The following USP25 variants were observed in gnomAD, a reference collection of about 807,000 sequenced individuals.
USP25 encodes ubiquitin specific peptidase 25.
A neutral mutation model predicts 158.5 loss-of-function variants in USP25; 85 were observed. The ratio of observed to expected loss-of-function variants is 0.54; its 90% CI spans 0.45 to 0.64. USP25 has a LOEUF of 0.64. Among genes scored for constraint, USP25 ranks in the 30% least tolerant of loss-of-function variants. The pLI, the probability that USP25 is intolerant of heterozygous loss-of-function variation, is 0.00. For synonymous variants in USP25, 464 were observed against 460.4 expected (o/e 1.01, Z -0.10); for missense variants, 1,242 against 1,327.3 (o/e 0.94, Z 1.00).
rs750610065 is a variant in USP25, at chr21:15,878,452, C to G, written c.3355C>G (p.Arg1119Gly). Residue 1119 changes from arginine to glycine, a missense_variant, in exon 26 of 26, where the codon CGA (arginine) becomes GGA (glycine). Transcript: ENST00000400183. ...RFARIMLSLS[R>G]TPADGR ...TGCCCGAATCATGTTGTCCCTCAGT[C>G]GAACTCCTGCTGATGGAAGATAAAC... 6.2e-7 allele frequency: 1 copy of G among 1,613,914 alleles called. No individual in the cohort carries two copies. The highest frequency in any genetic ancestry group is 2.2e-5 in the East Asian group (1 of 44,872).
At chr21:15,763,266 G>A (rs898618912) in intron 2 of USP25, among the ~76,000 whole-genome samples, 2 of 152,048 alleles carry the variant, frequency 1.3e-5, no homozygotes, top group Non-Finnish European at 1.5e-5. Flanking sequence ...TTTTACTTAC[G>A]AGCTGTGATT....
chr21:15,781,040 C>T (rs1203332048), intron 4 of USP25, among the ~76,000 whole-genome samples: 1 of 152,174 alleles, frequency 6.6e-6, no homozygotes, highest in East Asian at 1.9e-4. Context: ...TCCTGGGCTA[C>T]AAGGTTGTGG....
In USP25 at chr21:15,791,559, A is replaced by T; in HGVS notation, c.450A>T (p.Glu150Asp). ...NKACLKRTPT[E>D]VWRDSRNPYD... Reference sequence around the variant, plus strand: ...CATGTTTGAAGAGGACACCTACAGAAGTTTGGAGGGATTCTCGAAACCCTT... The same window carrying T: ...CATGTTTGAAGAGGACACCTACAGATGTTTGGAGGGATTCTCGAAACCCTT... The change falls in exon 5 of 26, where the codon GAA becomes GAT. Residue 150 changes from glutamate (E) to aspartate (D), a missense_variant. Glu to Asp is a conservative substitution (Grantham distance 45, BLOSUM62 2). Around this residue, in one of 3 missense-constraint regions of USP25, gnomAD observed 627 missense variants for 701.4 expected, o/e 0.89. Transcript: ENST00000400183. The T allele has an allele frequency of 6.2e-7, 1 of 1,611,788 alleles. No homozygotes were observed. Among genetic ancestry groups the T allele is most frequent in the East Asian group, 2.2e-5 (1 of 44,776 alleles).
intron 9 of USP25, among the ~76,000 whole-genome samples, chr21:15,814,314 G>A (rs577753752): frequency 6.6e-6 from 1 of 151,706 alleles, no homozygotes; most frequent in Non-Finnish European, 1.5e-5. Flanking sequence ...GTCTTTATTA[G>A]CAGCTTGAGA....
intron 10 of USP25, among the ~76,000 whole-genome samples, chr21:15,819,283 CA>C (rs1332443101): frequency 1.3e-5 from 2 of 152,154 alleles, no homozygotes; most frequent in Non-Finnish European, 2.9e-5. Flanking sequence ...TGCATAAGGT[CA>C]GATGGAAGAA....
chr21:15,734,308 A>G (rs950475588), intron 1 of USP25, among the ~76,000 whole-genome samples: 1 of 152,214 alleles, frequency 6.6e-6, no homozygotes, highest in African/African-American at 2.4e-5. Flanking sequence ...GTATTTTCCA[A>G]TTTAGGATTA....
intron 4 of USP25, among the ~76,000 whole-genome samples, chr21:15,788,498 A>G (rs1389829446): frequency 6.6e-6 from 1 of 152,128 alleles, no homozygotes; most frequent in Admixed American, 6.6e-5. Flanking sequence ...CTAGAGGTAA[A>G]GCAAATTCTT....
intron 1 of USP25, among the ~76,000 whole-genome samples, chr21:15,753,982 T>G (rs1444197154): frequency 2.6e-5 from 4 of 152,164 alleles, no homozygotes; most frequent in Non-Finnish European, 5.9e-5. Flanking sequence ...AAAGGGTGTC[T>G]TGTGTAGATA....
chr21:15,772,000 A>C (rs887077579), intron 3 of USP25, among the ~76,000 whole-genome samples: 1 of 151,658 alleles, frequency 6.6e-6, no homozygotes, highest in South Asian at 2.1e-4. Context: ...AAATATTTAC[A>C]TATATAATAG....
At chr21:15,776,078 T>A (rs1475927545) in intron 3 of USP25, among the ~76,000 whole-genome samples, 3 of 152,130 alleles carry the variant, frequency 2.0e-5, no homozygotes, top group Non-Finnish European at 4.4e-5. Flanking sequence ...TTATGAGGCA[T>A]TCCATACCTT....
chr21:15,794,229 T>C (rs1433189452), intron 5 of USP25, among the ~76,000 whole-genome samples: 1 of 151,682 alleles, frequency 6.6e-6, no homozygotes, highest in Non-Finnish European at 1.5e-5. Flanking sequence ...TATAGATAGC[T>C]TTGCATACTT....
chr21:15,860,136 C>T (rs1601157834), intron 20 of USP25, among the ~76,000 whole-genome samples: 1 of 151,516 alleles, frequency 6.6e-6, no homozygotes, highest in African/African-American at 2.4e-5. Flanking sequence ...TACAGGCTCC[C>T]GCCACCATAC....
At chr21:15,831,688 TG>T in intron 16 of USP25, 59 bp downstream of exon 16, 1 of 1,386,120 alleles carries the variant, frequency 7.2e-7, no homozygotes, top group South Asian at 1.2e-5. Context: ...CTCTGGTATG[TG>T]GTGTGATTAG....
chr21:15,754,214 G>A (rs2033226473), intron 1 of USP25, among the ~76,000 whole-genome samples: 1 of 152,156 alleles, frequency 6.6e-6, no homozygotes, highest in Admixed American at 6.5e-5. Flanking sequence ...TTTGGAGGTG[G>A]TGTGTCCTGA....
chr21:15,730,582 G>T (rs1452216688), intron 1 of USP25, 144 bp downstream of exon 1: 2 of 1,020,460 alleles, frequency 2.0e-6, no homozygotes, highest in African/African-American at 1.7e-5. Flanking sequence ...CCATCGCCTC[G>T]GGGGCGTCGC....
At chr21:15,811,278 G>A in intron 9 of USP25, 68 bp downstream of exon 9, 1 of 1,410,504 alleles carries the variant, frequency 7.1e-7, no homozygotes, top group Non-Finnish European at 9.8e-7. Context: ...CGTCTCGATA[G>A]TTACTATTTT....
chr21:15,773,396 C>G (rs1435129109), intron 3 of USP25: 1 of 152,018 alleles, frequency 6.6e-6, no homozygotes, highest in Non-Finnish European at 1.5e-5. Context: ...AAGAGAGCTG[C>G]TACTACTACT....
intron 1 of USP25, among the ~76,000 whole-genome samples, chr21:15,734,568 A>G (rs2823464): frequency 0.041 from 6,254 of 152,236 alleles, 183 homozygotes; most frequent in Middle Eastern, 0.14. Context: ...ATCATTTCTA[A>G]TAAATATTCT....
intron 1 of USP25, among the ~76,000 whole-genome samples, chr21:15,748,682 G>A (rs1488970422): frequency 3.3e-5 from 5 of 152,114 alleles, no homozygotes; most frequent in East Asian, 1.9e-4. Flanking sequence ...CTGTTGGGTA[G>A]CTCTTATGTA....
Sources: gnomAD v4.1 joint callset for allele counts (sites outside exome capture counted in the v4.1 genomes callset) on GRCh38, gnomAD v4.1.1 for gene constraint, gnomAD v4.1.1 regional missense constraint, MANE v1.5 for transcripts, NCBI Gene and HGNC (gene_info 2026-07-23, HGNC 2026-07-21) for gene names.